APP: variants seen among roughly 807,000 people sequenced by gnomAD.
APP encodes the protein amyloid-beta precursor protein.
Under a neutral mutation model 101.4 loss-of-function variants are expected in APP, and 31 were observed. That is an observed-to-expected ratio of 0.31 (90% confidence interval 0.23 to 0.41). The LOEUF (loss-of-function observed/expected upper bound fraction) is 0.41, where lower values mean the gene tolerates loss of function less well. Among genes scored for constraint, APP ranks in the 10% least tolerant of loss-of-function variants. APP has a pLI of 1.00. For missense variants in APP, 839 were observed against 1,003.7 expected (o/e 0.84, Z 2.22); for synonymous variants, 366 against 364.4 (o/e 1.00, Z -0.05).
chr21:25,969,183 C>CAAA (rs61030033), intron 11 of APP, among the ~76,000 whole-genome samples: 2 of 134,288 alleles, frequency 1.5e-5, no homozygotes, highest in African/African-American at 5.3e-5. Context: ...ACTAAAAATA[C>CAAA]AAAAAAAAAA....
intron 1 of APP, among the ~76,000 whole-genome samples, chr21:26,163,927 G>A (rs1312877843): frequency 6.6e-6 from 1 of 152,208 alleles, no homozygotes; most frequent in Non-Finnish European, 1.5e-5. Flanking sequence ...AGATGTAACA[G>A]CCATAACATG....
intron 13 of APP, among the ~76,000 whole-genome samples, chr21:25,937,552 A>G: frequency 6.6e-6 from 1 of 152,328 alleles, no homozygotes; most frequent in African/African-American, 2.4e-5. Flanking sequence ...AAATAAAATA[A>G]TATCACTTTG....
intron 1 of APP, among the ~76,000 whole-genome samples, chr21:26,133,330 A>G (rs1367771253): frequency 6.6e-6 from 1 of 152,200 alleles, no homozygotes; most frequent in Non-Finnish European, 1.5e-5. Context: ...TTTTATTAAC[A>G]CACTTGCCAA....
intron 1 of APP, among the ~76,000 whole-genome samples, chr21:26,120,093 GC>G (rs2062531808): frequency 1.3e-5 from 2 of 152,148 alleles, no homozygotes. Context: ...TGACCCTTGA[GC>G]TTGTGGGCTA....
intron 6 of APP, among the ~76,000 whole-genome samples, chr21:26,014,013 T>TA (rs1196832316): frequency 1.7e-4 from 1 of 6,004 alleles, no homozygotes; most frequent in Non-Finnish European, 3.0e-4. Context: ...GCAAGCATGC[T>TA]ACAACCCGGG....
intron 15 of APP, among the ~76,000 whole-genome samples, chr21:25,900,936 G>A (rs1406765386): frequency 0.015 from 6 of 404 alleles, no homozygotes; most frequent in African/African-American, 0.024. Flanking sequence ...GCAGTGAGCC[G>A]AGATTCGTGC....
intron 1 of APP, 44 bp downstream of exon 1, chr21:26,170,520 C>T: frequency 6.5e-7 from 1 of 1,531,880 alleles, no homozygotes; most frequent in Non-Finnish European, 8.8e-7. Flanking sequence ...GTATCGCGTC[C>T]CCACCGTGCA....
chr21:26,022,169 G>T lies in APP; in HGVS notation c.663-127C>A, dbSNP rs2044371588. On this transcript the variant is annotated intron_variant, in intron 5 of 17. Transcript: ENST00000346798. ...CACACCCAAAACTTCAATTCAGCAG[G>T]TCTAAGTATAAATCCCAGCTCAGTG... The T allele has an allele frequency of 7.0e-6, 8 of 1,138,092 alleles. No individual in the cohort carries two copies. The South Asian group carries it at 8.7e-5, about 12-fold the overall frequency. The allele number at this position is 1,138,092 out of a possible 1,614,324, so 70.5% of individuals were successfully genotyped here. A position where few individuals can be genotyped will look rare whatever the true frequency, so the allele number is the denominator to read the frequency against.
chr21:25,972,025 A>G (rs1346043422), intron 11 of APP, among the ~76,000 whole-genome samples: 2 of 152,246 alleles, frequency 1.3e-5, no homozygotes, highest in African/African-American at 2.4e-5. Flanking sequence ...GATACAGGGA[A>G]ATGCCACATG....
rs141131338 is a variant in APP, at chr21:26,009,830, G to A, written c.866-9648C>T. 770 of 157,990 alleles carry A rather than the reference G, an allele frequency of 4.9e-3. 11 individuals carry two copies. Among genetic ancestry groups the A allele is most frequent in the African/African-American group, 0.018 (735 of 41,474 alleles). The allele number at this position is 157,990 out of a possible 1,614,324, so 9.8% of individuals were successfully genotyped here. A position where few individuals can be genotyped will look rare whatever the true frequency, so the allele number is the denominator to read the frequency against. ...TCTCAAACTCCTGACCTCAGGTGATGCACCCACCTCGGCCTCCCAAAGTGC... is the reference window on the plus strand; with the variant it reads ...TCTCAAACTCCTGACCTCAGGTGATACACCCACCTCGGCCTCCCAAAGTGC... On this transcript the variant is annotated intron_variant, in intron 6 of 17. Transcript: ENST00000346798.
chr21:26,013,229 C>T (rs755682589), intron 6 of APP, among the ~76,000 whole-genome samples: 5 of 151,574 alleles, frequency 3.3e-5, no homozygotes, highest in Admixed American at 6.6e-5. Context: ...AGAGAGGAGA[C>T]TCACTTGAAC....
intron 1 of APP, among the ~76,000 whole-genome samples, chr21:26,113,297 A>C (rs539560555): frequency 6.6e-6 from 1 of 152,346 alleles, no homozygotes; most frequent in South Asian, 2.1e-4. Flanking sequence ...AAAACTGTCC[A>C]CAGGAGGAAA....
chr21:26,083,583 A>G (rs2061640586), intron 3 of APP, among the ~76,000 whole-genome samples: 1 of 152,238 alleles, frequency 6.6e-6, no homozygotes, highest in Non-Finnish European at 1.5e-5. Context: ...TAATCAGAGA[A>G]ATTTCTTTTG....
At chr21:25,949,108 C>T (rs1167998748) in intron 13 of APP, among the ~76,000 whole-genome samples, 1 of 151,946 alleles carries the variant, frequency 6.6e-6, no homozygotes, top group African/African-American at 2.4e-5. Flanking sequence ...AAAATAAAAA[C>T]ATTAATAAAT....
chr21:26,038,204 A>C lies in APP; in HGVS notation c.662+12796T>G, dbSNP rs182219108. On this transcript the variant is annotated intron_variant, in intron 5 of 17. Transcript: ENST00000346798. ...TACATATTTAAATTCATAAATAAGA[A>C]TTATCATTACTTGATTACTACCAAA... is the stretch of plus-strand genomic sequence containing the variant. Among the ~76,000 whole-genome samples the C allele has an allele frequency of 1.0e-3, 156 of 152,294 alleles. 1 individual carries two copies. Among genetic ancestry groups the C allele is most frequent in the Non-Finnish European group, 1.2e-3 (80 of 68,034 alleles).
intron 1 of APP, among the ~76,000 whole-genome samples, chr21:26,144,319 C>T (rs1431226461): frequency 1.3e-5 from 2 of 152,160 alleles, no homozygotes; most frequent in Non-Finnish European, 2.9e-5. Context: ...TTTGTTTATA[C>T]TTCATTTTGA....
chr21:26,002,723 C>T (rs2043351893), intron 6 of APP, among the ~76,000 whole-genome samples: 1 of 152,120 alleles, frequency 6.6e-6, no homozygotes, highest in East Asian at 1.9e-4. Context: ...GCATTGGCAA[C>T]AAAATTTACC....
At chr21:26,097,755 G>A (rs1336310397) in intron 2 of APP, among the ~76,000 whole-genome samples, 2 of 152,148 alleles carry the variant, frequency 1.3e-5, no homozygotes, top group East Asian at 3.9e-4. Context: ...TTTTATCATT[G>A]AAAGTGAATG....
Position 26,156,922 on chromosome 21 carries a change from CTCTT to C in APP, c.57+13638_57+13641del, listed in dbSNP as rs142912487. On this transcript the variant is annotated intron_variant, in intron 1 of 17. Transcript: ENST00000346798. ...TATGACAGAAATATACATTCAAACA[CTCTT>C]TCTAATTTTTCATAAATTAACAACT... 7.2e-3 allele frequency among the ~76,000 whole-genome samples: 1,090 copies of C among 152,160 alleles called. 16 individuals carry two copies. Among genetic ancestry groups the C allele is most frequent in the African/African-American group, 0.023 (957 of 41,522 alleles).
Sources: allele counts gnomAD v4.1 joint callset (sites outside exome capture counted in the v4.1 genomes callset), GRCh38; gene constraint gnomAD v4.1.1; transcripts MANE v1.5; gene names NCBI Gene and HGNC (gene_info 2026-07-23, HGNC 2026-07-21).